AFAP1: variants seen among roughly 807,000 people sequenced by gnomAD.
AFAP1 encodes the protein actin filament associated protein 1.
AFAP1 carries 75 observed loss-of-function variants against 93.9 expected under a neutral mutation model. That is an observed-to-expected ratio of 0.80 (90% CI 0.66 to 0.97). The LOEUF (loss-of-function observed/expected upper bound fraction) is 0.97, where lower values mean the gene tolerates loss of function less well. AFAP1 is among the 50% of genes least tolerant of loss of function. AFAP1 has a pLI of 0.00. For missense variants in AFAP1, 1,201 were observed against 1,050.8 expected (o/e 1.14, Z -1.98); for synonymous variants, 517 against 430.7 (o/e 1.20, Z -2.48).
chr4:7,786,254 G>GCCTC lies in AFAP1; in HGVS notation c.1469_1470insGAGG (p.Tyr491ArgfsTer13), dbSNP rs1560157040. Reference sequence around the variant, plus strand: ...GTGCCGTCCCGCTGGGGTGGGCATAGCCGTTGGAGGTGCCCCCTAGATATG... The same window carrying GCCTC: ...GTGCCGTCCCGCTGGGGTGGGCATAGCCTCCCGTTGGAGGTGCCCCCTAGATATG... On this transcript the variant is annotated frameshift_variant, in exon 12 of 18. Transcript: ENST00000420658. LOFTEE classifies it high-confidence loss of function. 6.2e-7 allele frequency: 1 copy of GCCTC among 1,614,206 alleles called. No homozygotes were observed. The highest frequency in any genetic ancestry group is 8.5e-7 in the Non-Finnish European group (1 of 1,180,030).
intron 1 of AFAP1, among the ~76,000 whole-genome samples, chr4:7,908,148 G>A (rs1453428372): frequency 2.6e-5 from 4 of 151,232 alleles, no homozygotes; most frequent in South Asian, 2.1e-4. Context: ...GGGGGAGCAC[G>A]TTGCAGTAAG....
At chr4:7,774,585 G>C in intron 15 of AFAP1, 154 bp downstream of exon 15, 1 of 1,212,200 alleles carries the variant, frequency 8.2e-7, no homozygotes, top group South Asian at 1.7e-5. Flanking sequence ...TACCAGCAAT[G>C]TTTCCAAGCC....
intron 8 of AFAP1, among the ~76,000 whole-genome samples, chr4:7,815,322 A>T (rs1720382267): frequency 6.6e-6 from 1 of 152,246 alleles, no homozygotes; most frequent in Middle Eastern, 3.2e-3. Flanking sequence ...AGTTCTGGAG[A>T]CTGATGGCGG....
At chr4:7,788,647 G>T (rs1717539769) in intron 11 of AFAP1, 4 of 152,196 alleles carry the variant, frequency 2.6e-5, no homozygotes, top group Non-Finnish European at 5.9e-5. Flanking sequence ...CACAGTAAAA[G>T]ATTTTGATTT....
chr4:7,850,438 G>C (rs189255136), intron 4 of AFAP1, among the ~76,000 whole-genome samples: 99 of 152,324 alleles, frequency 6.5e-4, no homozygotes, highest in African/African-American at 2.3e-3. Context: ...GAGGGAGAGG[G>C]AAGAGGGCAA....
intron 1 of AFAP1, among the ~76,000 whole-genome samples, chr4:7,894,068 C>T (rs893036471): frequency 2.0e-5 from 3 of 152,166 alleles, no homozygotes; most frequent in Non-Finnish European, 4.4e-5. Flanking sequence ...CTCTGGCTGA[C>T]GTTCACACTG....
intron 9 of AFAP1, among the ~76,000 whole-genome samples, chr4:7,803,748 A>T (rs941587168): frequency 2.0e-5 from 3 of 152,268 alleles, no homozygotes; most frequent in African/African-American, 7.2e-5. Context: ...AGGCCACCAG[A>T]TACTATGAAT....
intron 11 of AFAP1, among the ~76,000 whole-genome samples, chr4:7,789,503 G>C (rs1289149739): frequency 1.6e-5 from 2 of 125,370 alleles, no homozygotes; most frequent in South Asian, 2.6e-4. Context: ...CACCCCATCC[G>C]TGCATCTCCC....
At chr4:7,924,573 G>A (rs1298681549) in intron 1 of AFAP1, among the ~76,000 whole-genome samples, 4 of 152,100 alleles carry the variant, frequency 2.6e-5, no homozygotes, top group Non-Finnish European at 4.4e-5. Flanking sequence ...GCTTCCAGGG[G>A]ACACAGACAT....
intron 1 of AFAP1, among the ~76,000 whole-genome samples, chr4:7,889,629 TC>T (rs1490018161): frequency 6.8e-6 from 1 of 147,372 alleles, no homozygotes; most frequent in East Asian, 2.0e-4. Context: ...CGATTAAAAC[TC>T]ATCAAACTAT....
At chr4:7,819,259 T>G in intron 6 of AFAP1, 88 bp from the exon 7 acceptor site, 1 of 1,220,506 alleles carries the variant, frequency 8.2e-7, no homozygotes, top group East Asian at 2.5e-5. Flanking sequence ...CAGAGGCACA[T>G]GGCGTGGTAG....
intron 1 of AFAP1, among the ~76,000 whole-genome samples, chr4:7,934,122 C>G (rs1398323108): frequency 6.6e-6 from 1 of 152,186 alleles, no homozygotes; most frequent in Non-Finnish European, 1.5e-5. Flanking sequence ...AGAACAGATA[C>G]AGTGAATTAT....
intron 4 of AFAP1, among the ~76,000 whole-genome samples, chr4:7,846,152 C>T (rs774224183): frequency 6.6e-6 from 1 of 152,222 alleles, no homozygotes; most frequent in African/African-American, 2.4e-5. Context: ...CACAAAACGA[C>T]GTCCGTGGTT....
At chr4:7,800,396 C>T in intron 10 of AFAP1, 46 bp downstream of exon 10, 2 of 1,592,178 alleles carry the variant, frequency 1.3e-6, no homozygotes, top group South Asian at 1.1e-5. Flanking sequence ...AGGAAGATCA[C>T]CGCGTGTGTC....
At chr4:7,814,796 T>C (rs1370762476) in intron 8 of AFAP1, among the ~76,000 whole-genome samples, 1 of 151,140 alleles carries the variant, frequency 6.6e-6, no homozygotes, top group Non-Finnish European at 1.5e-5. Context: ...GCTGGGGGGT[T>C]AGAGCCGTGC....
At chr4:7,937,395 T>C (rs1721448543) in intron 1 of AFAP1, among the ~76,000 whole-genome samples, 1 of 152,220 alleles carries the variant, frequency 6.6e-6, no homozygotes, top group South Asian at 2.1e-4. Context: ...TTAGAAATTA[T>C]GTAGTTTACG....
At chr4:7,889,475 C>A (rs1427087675) in intron 1 of AFAP1, among the ~76,000 whole-genome samples, 8 of 150,462 alleles carry the variant, frequency 5.3e-5, no homozygotes, top group African/African-American at 2.0e-4. Flanking sequence ...ATCATTTGAA[C>A]CCAGGAGGTG....
intron 15 of AFAP1, chr4:7,773,323 G>T (rs950369338): frequency 9.6e-6 from 3 of 312,572 alleles, no homozygotes; most frequent in Non-Finnish European, 1.8e-5. Flanking sequence ...AAACTCCACA[G>T]TTCCCAAAGC....
chr4:7,897,755 C>G (rs1718873306), intron 1 of AFAP1, among the ~76,000 whole-genome samples: 1 of 152,066 alleles, frequency 6.6e-6, no homozygotes, highest in Admixed American at 6.5e-5. Flanking sequence ...AACTCCTGAC[C>G]TCAGGTGATC....
Sources: allele counts gnomAD v4.1 joint callset (sites outside exome capture counted in the v4.1 genomes callset), GRCh38; gene constraint gnomAD v4.1.1; transcripts MANE v1.5; gene names NCBI Gene and HGNC (gene_info 2026-07-23, HGNC 2026-07-21).